SLC28A2: variants seen among roughly 807,000 people sequenced by gnomAD.
SLC28A2 encodes solute carrier family 28 member 2.
SLC28A2 carries 69 observed loss-of-function variants against 72.9 expected under a neutral mutation model. The observed-to-expected ratio is 0.95, with a 90% CI of 0.78 to 1.16. The LOEUF is 1.16. Ranked by LOEUF, SLC28A2 falls within the 50% of genes most tolerant of loss-of-function variation. The pLI, the probability that SLC28A2 is intolerant of heterozygous loss-of-function variation, is 0.00. For synonymous variants in SLC28A2, 296 were observed against 294.1 expected, an observed-to-expected ratio of 1.01 and a Z score of -0.07; for missense variants, 745 against 791.1, an observed-to-expected ratio of 0.94 and a Z score of 0.70.
Position 45,274,734 on chromosome 15 carries a change from C to T in SLC28A2, c.1860-662C>T, listed in dbSNP as rs574578842. On this transcript the variant is annotated intron_variant, in intron 17 of 17. Coordinates refer to ENST00000347644, the MANE Select transcript of SLC28A2 (RefSeq NM_004212.4). Reference sequence around the variant, plus strand: ...GCTGGATTCATCATTGCTCTGGCATCGTTTTGATTCTTCTTTTTTTTTTTT... The same window carrying T: ...GCTGGATTCATCATTGCTCTGGCATTGTTTTGATTCTTCTTTTTTTTTTTT... Among the ~76,000 whole-genome samples the T allele has an allele frequency of 4.7e-5, 7 of 149,482 alleles. No individual in the cohort carries two copies. The South Asian group carries it at 1.3e-3, about 27-fold the overall frequency.
At chr15:45,260,865 C>T (rs1900140155) in intron 3 of SLC28A2, among the ~76,000 whole-genome samples, 1 of 152,210 alleles carries the variant, frequency 6.6e-6, no homozygotes, top group Non-Finnish European at 1.5e-5. Flanking sequence ...GCATTGTTTC[C>T]TCCTTTCTCA....
In SLC28A2 at chr15:45,272,716, CT is replaced by C; in HGVS notation, c.1793del (p.Phe598SerfsTer26). ...GGGGAGCTGAAGCTGACTGTGTCTC[CT>C]TCCCAAACACAAGTTTCACCAATAG... ...PRGAEADCVS[F>X]PNTSFTNRTY... On this transcript the variant is annotated frameshift_variant, in exon 17 of 18. Coordinates refer to ENST00000347644, the MANE Select transcript of SLC28A2 (RefSeq NM_004212.4). LOFTEE classifies it high-confidence loss of function. 6.2e-7 allele frequency: 1 copy of C among 1,613,100 alleles called. No homozygotes were observed. The highest frequency in any genetic ancestry group is 8.5e-7 in the Non-Finnish European group (1 of 1,179,048).
intron 3 of SLC28A2, among the ~76,000 whole-genome samples, chr15:45,260,882 C>T (rs1025149496): frequency 1.3e-5 from 2 of 152,172 alleles, no homozygotes; most frequent in East Asian, 1.9e-4. Flanking sequence ...CTCAGCTTAC[C>T]TGTATCTCAT....
intron 8 of SLC28A2, 38 bp downstream of exon 8, chr15:45,265,204 G>A (rs761640943): frequency 1.6e-6 from 2 of 1,288,016 alleles, no homozygotes; most frequent in African/African-American, 2.9e-5. Flanking sequence ...ATGGTCTATG[G>A]AGGGGTAGAG....
intron 1 of SLC28A2, 31 bp downstream of exon 1, chr15:45,252,309 G>A (rs1899817403): frequency 2.2e-6 from 1 of 455,842 alleles, no homozygotes; most frequent in African/African-American, 2.0e-5. Context: ...GAGGGCAGGT[G>A]CCTAATTTAC....
intron 3 of SLC28A2, among the ~76,000 whole-genome samples, chr15:45,256,204 AT>A: frequency 6.6e-6 from 1 of 152,188 alleles, no homozygotes; most frequent in Non-Finnish European, 1.5e-5. Context: ...ACTTGCATTT[AT>A]TTTTATTTTT....
chr15:45,252,883 C>T (rs1221019913), intron 1 of SLC28A2, among the ~76,000 whole-genome samples: 1 of 152,184 alleles, frequency 6.6e-6, no homozygotes, highest in Admixed American at 6.5e-5. Context: ...CAAGTAGGAA[C>T]CTTTATAGCC....
chr15:45,272,745 C>A lies in SLC28A2; in HGVS notation c.1820C>A (p.Thr607Asn). 6.2e-7 allele frequency: 1 copy of A among 1,611,908 alleles called. No individual in the cohort carries two copies. The highest frequency in any genetic ancestry group is 8.5e-7 in the Non-Finnish European group (1 of 1,177,990). The change falls in exon 17 of 18, where the codon ACC (threonine) becomes AAC (asparagine). Residue 607 changes from threonine (T) to asparagine (N), a missense_variant. By Grantham distance (65) the Thr-to-Asn change is moderately conservative (BLOSUM62 0). Coordinates refer to ENST00000347644, the MANE Select transcript of SLC28A2 (RefSeq NM_004212.4). ...CCAAACACAAGTTTCACCAATAGAACCTATGAGACCTACATGTGCTGCAGA... is the reference window on the plus strand; with the variant it reads ...CCAAACACAAGTTTCACCAATAGAAACTATGAGACCTACATGTGCTGCAGA... ...SFPNTSFTNRTYETYMCCRGL... is the reference protein window; with the variant it reads ...SFPNTSFTNRNYETYMCCRGL...
At chr15:45,269,681 C>A in intron 14 of SLC28A2, 146 bp downstream of exon 14, 1 of 672,210 alleles carries the variant, frequency 1.5e-6, no homozygotes, top group East Asian at 2.7e-5. Context: ...AGCAGAACAG[C>A]CTACCTAGCA....
chr15:45,271,671 T>C (rs1900577497), intron 15 of SLC28A2: 1 of 152,116 alleles, frequency 6.6e-6, no homozygotes, highest in Admixed American at 6.5e-5. Context: ...TGTCCCTTTT[T>C]AAAGGCAATT....
intron 5 of SLC28A2, among the ~76,000 whole-genome samples, chr15:45,263,615 C>T (rs1434138061): frequency 1.3e-5 from 2 of 152,198 alleles, no homozygotes; most frequent in Non-Finnish European, 2.9e-5. Context: ...CCTTAGTTCC[C>T]TGATACTTTT....
rs760568481 is a variant in SLC28A2, at chr15:45,264,716, T to C, written c.650T>C (p.Ile217Thr). Residue 217 changes from isoleucine to threonine, a missense_variant, in exon 7 of 18, where the codon ATC (isoleucine) becomes ACC (threonine). Transcript: ENST00000347644. ...CAATTTGTCTTTGGGATCTTGGTCA[T>C]CAGAACTGATCTTGGATATACTGTA... ...GLQFVFGILV[I>T]RTDLGYTVFQ... is the part of the protein sequence containing the mutation. 12 of 1,613,894 alleles carry C rather than the reference T, an allele frequency of 7.4e-6. No homozygotes were observed. In the Admixed American group the frequency reaches 8.3e-5, roughly 11 times the overall value.
chr15:45,263,770 C>T, intron 5 of SLC28A2, 111 bp from the exon 6 acceptor site: 1 of 1,037,752 alleles, frequency 9.6e-7, no homozygotes, highest in Non-Finnish European at 1.4e-6. Context: ...ATGGCACATG[C>T]ATGGCCTTTG....
At chr15:45,273,906 T>C in intron 17 of SLC28A2, among the ~76,000 whole-genome samples, 1 of 152,142 alleles carries the variant, frequency 6.6e-6, no homozygotes. Flanking sequence ...GTTTCAGGAA[T>C]GGGAGTAAAA....
intron 3 of SLC28A2, chr15:45,253,894 TG>T (rs1241927830): frequency 6.4e-6 from 1 of 157,282 alleles, no homozygotes; most frequent in Non-Finnish European, 1.4e-5. Context: ...GTAGCTCTTC[TG>T]GAATACTCAG....
rs199611859 is a variant in SLC28A2 at position 45,264,013 on chromosome 15, C to T, written c.579C>T (p.His193=). 1 of 1,611,126 alleles carries T rather than the reference C, an allele frequency of 6.2e-7. No individual in the cohort carries two copies. Among genetic ancestry groups the T allele is most frequent in the Admixed American group, 1.7e-5 (1 of 59,706 alleles). The stretch of plus-strand genomic sequence containing the variant: ...TTATCCTCTTTGCCTGCTCCAAACA[C>T]CACAGCGCAGTGAGTTTTGGGTATT... ...FILILFACSK[H]HSAVSWRTVF... Residue 193 remains histidine (H), a synonymous_variant, in exon 6 of 18, where the codon CAC becomes CAT. Coordinates refer to ENST00000347644, the MANE Select transcript of SLC28A2 (RefSeq NM_004212.4).
intron 16 of SLC28A2, 103 bp from the exon 17 acceptor site, chr15:45,272,570 A>T: frequency 2.4e-6 from 2 of 837,346 alleles, no homozygotes; most frequent in Non-Finnish European, 4.0e-6. Flanking sequence ...TACATGGCAA[A>T]GGCACCTAAT....
chr15:45,270,178 A>G lies in SLC28A2; in HGVS notation c.1567-17A>G, dbSNP rs774037232. ...TGGGACTGAATTTATTTGCTTATTT[A>G]TTTTTGTTTTCCCTAGGTGAGAGCT... On this transcript the variant is annotated splice_polypyrimidine_tract_variant and intron_variant, in intron 14 of 17. Coordinates refer to ENST00000347644, the MANE Select transcript of SLC28A2 (RefSeq NM_004212.4). The G allele has an allele frequency of 1.9e-6, 3 of 1,586,592 alleles. No individual in the cohort carries two copies. The East Asian group carries it at 6.7e-5, about 35-fold the overall frequency.
intron 8 of SLC28A2, 93 bp downstream of exon 8, chr15:45,265,259 C>T (rs1394739523): frequency 9.3e-6 from 8 of 860,438 alleles, no homozygotes; most frequent in Non-Finnish European, 1.6e-5. Context: ...GATCAGCGCC[C>T]CTGTATACCA....
Sources: allele counts gnomAD v4.1 joint callset (sites outside exome capture counted in the v4.1 genomes callset), GRCh38; gene constraint gnomAD v4.1.1; transcripts MANE v1.5; gene names NCBI Gene and HGNC (gene_info 2026-07-23, HGNC 2026-07-21).